The following GRB14 variants were observed in gnomAD, a reference collection of about 807,000 sequenced individuals.
GRB14 encodes the protein growth factor receptor bound protein 14.
A neutral mutation model predicts 69.1 loss-of-function variants in GRB14; 38 were observed. That is an observed-to-expected ratio of 0.55 (90% CI 0.42 to 0.72). The LOEUF (loss-of-function observed/expected upper bound fraction) is 0.72, where lower values mean the gene tolerates loss of function less well. Among genes scored for constraint, GRB14 ranks in the 30% least tolerant of loss-of-function variants. GRB14 has a pLI of 0.00. For synonymous variants in GRB14, 247 were observed against 241.3 expected (o/e 1.02, Z -0.22); for missense variants, 666 against 666.1 (o/e 1.00, Z 0.00).
intron 2 of GRB14, among the ~76,000 whole-genome samples, chr2:164,589,514 T>C (rs919187089): frequency 6.6e-6 from 1 of 152,048 alleles, no homozygotes; most frequent in African/African-American, 2.4e-5. Context: ...GGAGCCAGCA[T>C]GTGCACAGAT....
intron 2 of GRB14, among the ~76,000 whole-genome samples, chr2:164,576,144 A>C (rs1458217604): frequency 6.6e-6 from 1 of 152,050 alleles, no homozygotes; most frequent in African/African-American, 2.4e-5. Flanking sequence ...TTCACAGTAA[A>C]AATAAAATGA....
chr2:164,575,362 G>C (rs1031434221), intron 2 of GRB14, among the ~76,000 whole-genome samples: 27 of 152,084 alleles, frequency 1.8e-4, no homozygotes, highest in Non-Finnish European at 3.8e-4. Context: ...GTAAAAACCT[G>C]AGTGAAATAA....
In GRB14 at chr2:164,502,348, T is replaced by C. The variant is rs756597532; in HGVS notation, c.1024-13A>G. ...GCTGCATGCCATACTGCAGAATAAATAAATAAAACACATTCCCACCACTTT... is the reference window on the plus strand; with the variant it reads ...GCTGCATGCCATACTGCAGAATAAACAAATAAAACACATTCCCACCACTTT... On this transcript the variant is annotated splice_polypyrimidine_tract_variant and intron_variant, in intron 8 of 13. Coordinates refer to ENST00000263915, the MANE Select transcript of GRB14 (RefSeq NM_004490.3). 7.0e-7 allele frequency: 1 copy of C among 1,418,800 alleles called. No individual in the cohort carries two copies. The highest frequency in any genetic ancestry group is 1.7e-5 in the Admixed American group (1 of 59,554). The allele number at this position is 1,418,800 out of a possible 1,614,324, so 87.9% of individuals were successfully genotyped here. A position where few individuals can be genotyped will look rare whatever the true frequency, so the allele number is the denominator to read the frequency against.
intron 3 of GRB14, among the ~76,000 whole-genome samples, chr2:164,538,241 T>C (rs1020234027): frequency 6.6e-6 from 1 of 152,202 alleles, no homozygotes; most frequent in African/African-American, 2.4e-5. Context: ...TTAATTCCTC[T>C]TCCCGAGGAG....
At position 164,621,016 on chromosome 2, in the gene GRB14, T is replaced by TG; in HGVS notation, c.191+102dup. ...TTGTCTTCAGAGACTTTTACAAACT[T>TG]GGCCCAGCTCTGGGCACATGGCTCA... On this transcript the variant is annotated intron_variant, in intron 1 of 13. Transcript: ENST00000263915. This position sits in a 1 kb window ranked among gnomAD's most constrained non-coding sequence, Gnocchi z 6.0. The TG allele has an allele frequency of 1.0e-6, 1 of 1,002,008 alleles. No individual in the cohort carries two copies. The highest frequency in any genetic ancestry group is 1.3e-6 in the Non-Finnish European group (1 of 772,342). The allele number at this position is 1,002,008 out of a possible 1,614,324, so 62.1% of individuals were successfully genotyped here.
At chr2:164,606,625 C>T (rs960378887) in intron 2 of GRB14, among the ~76,000 whole-genome samples, 5 of 152,100 alleles carry the variant, frequency 3.3e-5, no homozygotes, top group Admixed American at 6.6e-5. Flanking sequence ...AGGCAGATTT[C>T]GCCTAAATGA....
intron 2 of GRB14, among the ~76,000 whole-genome samples, chr2:164,587,823 G>A (rs773797272): frequency 5.9e-5 from 9 of 152,250 alleles, no homozygotes; most frequent in South Asian, 4.2e-4. Flanking sequence ...AAGTGCACTG[G>A]ACATAAAGCT....
intron 2 of GRB14, among the ~76,000 whole-genome samples, chr2:164,578,823 C>G (rs527250379): frequency 6.6e-6 from 1 of 152,224 alleles, no homozygotes; most frequent in Non-Finnish European, 1.5e-5. Context: ...TTCTGGTTCT[C>G]TATAGACTAA....
chr2:164,517,393 A>G (rs1268949440), intron 6 of GRB14, among the ~76,000 whole-genome samples: 1 of 152,152 alleles, frequency 6.6e-6, no homozygotes, highest in East Asian at 1.9e-4. Context: ...CCATCTTACA[A>G]AAAAAGAATA....
chr2:164,563,375 G>A (rs1344061305), intron 2 of GRB14, among the ~76,000 whole-genome samples: 1 of 152,142 alleles, frequency 6.6e-6, no homozygotes, highest in African/African-American at 2.4e-5. Flanking sequence ...GATGAATCCT[G>A]ATTCTGGTGA....
intron 2 of GRB14, among the ~76,000 whole-genome samples, chr2:164,595,159 G>A (rs1689754025): frequency 6.6e-6 from 1 of 152,164 alleles, no homozygotes; most frequent in African/African-American, 2.4e-5. Flanking sequence ...GCATGCAAAG[G>A]ATTTTGCAAT....
At chr2:164,539,642 G>A (rs1363248737) in intron 3 of GRB14, 3 of 152,126 alleles carry the variant, frequency 2.0e-5, no homozygotes, top group African/African-American at 7.2e-5. Context: ...AACGATAGTA[G>A]CATATGTATT....
chr2:164,492,991 T>C lies in GRB14; in HGVS notation c.*45A>G, dbSNP rs770237997. The C allele has an allele frequency of 1.3e-6, 2 of 1,543,654 alleles. No individual in the cohort carries two copies. The highest frequency in any genetic ancestry group is 1.2e-5 in the South Asian group (1 of 81,762). On this transcript the variant is annotated 3_prime_UTR_variant, in exon 14 of 14. Transcript: ENST00000263915. ...ATTTATGGTCTTTTATTATTTTTCT[T>C]GAGTCCTTTTCCTTCAATAGTTTAA...
intron 12 of GRB14, 34 bp downstream of exon 12, chr2:164,496,974 C>G: frequency 2.0e-6 from 3 of 1,513,486 alleles, no homozygotes; most frequent in Non-Finnish European, 2.8e-6. Flanking sequence ...AAATCCAATT[C>G]ACAAGTACTC....
At chr2:164,526,920 T>C in intron 4 of GRB14, 94 bp downstream of exon 4, 8 of 776,376 alleles carry the variant, frequency 1.0e-5, no homozygotes, top group Non-Finnish European at 1.5e-5. Flanking sequence ...ATTTACCGAA[T>C]AGGACTGTAT....
chr2:164,538,909 G>A (rs942937043), intron 3 of GRB14, among the ~76,000 whole-genome samples: 2 of 152,096 alleles, frequency 1.3e-5, no homozygotes, highest in Non-Finnish European at 2.9e-5. Context: ...GGTTAGGAAC[G>A]TTTATACGAA....
chr2:164,562,582 C>A (rs887601777), intron 2 of GRB14, among the ~76,000 whole-genome samples: 1 of 152,128 alleles, frequency 6.6e-6, no homozygotes, highest in Non-Finnish European at 1.5e-5. Context: ...TTCTCAGTCA[C>A]AGGGAAATTT....
At chr2:164,518,424 G>C (rs1265774186) in intron 6 of GRB14, among the ~76,000 whole-genome samples, 1 of 151,852 alleles carries the variant, frequency 6.6e-6, no homozygotes, top group East Asian at 1.9e-4. Context: ...GTCTAAAAGA[G>C]CACAAATAGG....
chr2:164,508,576 T>G (rs746618166), intron 7 of GRB14, 26 bp from the exon 8 acceptor site: 37 of 1,590,242 alleles, frequency 2.3e-5, no homozygotes, highest in Admixed American at 3.3e-5. Context: ...ACATTGTTTA[T>G]CGTTAATGCA....
Sources: gnomAD v4.1 joint callset for allele counts (sites outside exome capture counted in the v4.1 genomes callset) on GRCh38, gnomAD v4.1.1 for gene constraint, Gnocchi (gnomAD v3.1) non-coding constraint, MANE v1.5 for transcripts, NCBI Gene and HGNC (gene_info 2026-07-23, HGNC 2026-07-21) for gene names.